NSUN3: variants seen among roughly 807,000 people sequenced by gnomAD.
The protein encoded by NSUN3 is NOP2/Sun RNA methyltransferase 3, also known as tRNA (cytosine(34)-C(5))-methyltransferase, mitochondrial.
In NSUN3, 24 loss-of-function variants were observed where a neutral mutation model predicts 36.8. The ratio of observed to expected loss-of-function variants is 0.65; its 90% CI spans 0.47 to 0.92. NSUN3 has a LOEUF of 0.92. Among genes scored for constraint, NSUN3 ranks in the 40% least tolerant of loss-of-function variants. The pLI is 0.00. For missense variants in NSUN3, 381 were observed against 392.8 expected (o/e 0.97, Z 0.25); for synonymous variants, 146 against 145.2 (o/e 1.01, Z -0.04).
chr3:94,081,221 G>A (rs915304597), intron 2 of NSUN3, among the ~76,000 whole-genome samples: 9 of 152,106 alleles, frequency 5.9e-5, no homozygotes, highest in Non-Finnish European at 1.0e-4. Context: ...GCTTCAGCTC[G>A]CCCTCTGTGG....
At chr3:94,116,988 T>G (rs2077442612) in intron 5 of NSUN3, among the ~76,000 whole-genome samples, 1 of 129,920 alleles carries the variant, frequency 7.7e-6, no homozygotes, top group African/African-American at 3.1e-5. Context: ...GCCACAACTT[T>G]TTTTTTTTTT....
chr3:94,070,749 G>C, intron 2 of NSUN3, among the ~76,000 whole-genome samples: 1 of 152,142 alleles, frequency 6.6e-6, no homozygotes, highest in East Asian at 1.9e-4. Context: ...TGTTCCTCCA[G>C]GTATTCAAAA....
At chr3:94,087,083 G>T (rs894012736) in intron 3 of NSUN3, among the ~76,000 whole-genome samples, 7 of 152,174 alleles carry the variant, frequency 4.6e-5, no homozygotes, top group African/African-American at 1.7e-4. Context: ...AAGTTGAGAA[G>T]AATCTTCCTG....
chr3:94,099,061 T>C (rs986683588), intron 5 of NSUN3, among the ~76,000 whole-genome samples: 1 of 152,138 alleles, frequency 6.6e-6, no homozygotes, highest in Admixed American at 6.5e-5. Context: ...ATTACACGGG[T>C]TGAGTATTTA....
At chr3:94,102,880 ATTT>A (rs990021234) in intron 5 of NSUN3, among the ~76,000 whole-genome samples, 13 of 151,372 alleles carry the variant, frequency 8.6e-5, no homozygotes, top group Non-Finnish European at 1.8e-4. Flanking sequence ...TTTAAAATTT[ATTT>A]ATTTATTTAT....
At chr3:94,074,073 T>C (rs932246305) in intron 2 of NSUN3, among the ~76,000 whole-genome samples, 12 of 152,224 alleles carry the variant, frequency 7.9e-5, no homozygotes, top group African/African-American at 2.7e-4. Flanking sequence ...TCCCCATTTC[T>C]TGTTTTTGTC....
At position 94,130,487 on chromosome 3, in the gene NSUN3, G is replaced by A. The variant is rs1378563406; in HGVS notation, c.*3997G>A. 6.6e-6 allele frequency among the ~76,000 whole-genome samples: 1 copy of A among 152,182 alleles called. No individual in the cohort carries two copies. Among genetic ancestry groups the A allele is most frequent in the African/African-American group, 2.4e-5 (1 of 41,426 alleles). ...CCCAGGACATTTTTGGAAATTGTAT[G>A]CTCTCTAGCAACTTTGCGTGAATTT... On this transcript the variant is annotated 3_prime_UTR_variant, in exon 6 of 6. Coordinates refer to ENST00000314622, the MANE Select transcript of NSUN3 (RefSeq NM_022072.5).
At chr3:94,087,557 G>C (rs1363266312) in intron 3 of NSUN3, among the ~76,000 whole-genome samples, 1 of 152,192 alleles carries the variant, frequency 6.6e-6, no homozygotes, top group Non-Finnish European at 1.5e-5. Flanking sequence ...GATTCTAAAT[G>C]GGAAAACATT....
chr3:94,086,042 C>T lies in NSUN3; in HGVS notation c.466+1592C>T, dbSNP rs554673295. On this transcript the variant is annotated intron_variant, in intron 3 of 5. Transcript: ENST00000314622. ...CACTCCAACCTCTGCCTCCCAGGTT[C>T]GAGTGATTCTCCCGCCTCAGCCTCC... Among the ~76,000 whole-genome samples, 5 of 151,232 alleles carry T rather than the reference C, an allele frequency of 3.3e-5. No homozygotes were observed. The South Asian group carries it at 6.3e-4, about 19-fold the overall frequency.
chr3:94,076,805 T>C (rs1054577125), intron 2 of NSUN3: 36 of 1,579,692 alleles, frequency 2.3e-5, no homozygotes, highest in Middle Eastern at 1.9e-4. Flanking sequence ...TTCTCCTTCA[T>C]GGTTGATCTT....
intron 5 of NSUN3, among the ~76,000 whole-genome samples, chr3:94,109,396 G>A (rs1331149794): frequency 6.6e-6 from 1 of 152,148 alleles, no homozygotes; most frequent in African/African-American, 2.4e-5. Context: ...TTTGGTCAGA[G>A]TAAAATCTCC....
At chr3:94,116,778 T>C (rs2077441653) in intron 5 of NSUN3, among the ~76,000 whole-genome samples, 1 of 152,162 alleles carries the variant, frequency 6.6e-6, no homozygotes, top group African/African-American at 2.4e-5. Flanking sequence ...TTTGTTTGGA[T>C]TTGTTAAAGA....
intron 3 of NSUN3, among the ~76,000 whole-genome samples, chr3:94,088,747 A>G (rs1385489634): frequency 6.8e-6 from 1 of 147,750 alleles, no homozygotes; most frequent in Non-Finnish European, 1.5e-5. Flanking sequence ...ATCTTGGGTC[A>G]CTGCAGTCTC....
chr3:94,085,946 CTT>C (rs1249632543), intron 3 of NSUN3, among the ~76,000 whole-genome samples: 6 of 137,924 alleles, frequency 4.4e-5, no homozygotes, highest in African/African-American at 5.3e-5. Flanking sequence ...GCAGTGTTGC[CTT>C]TTTTTTTTTT....
chr3:94,086,127 A>G (rs562657016), intron 3 of NSUN3, among the ~76,000 whole-genome samples: 1 of 152,166 alleles, frequency 6.6e-6, no homozygotes, highest in South Asian at 2.1e-4. Context: ...TATTTTTAAT[A>G]GAGATGGGGT....
intron 5 of NSUN3, among the ~76,000 whole-genome samples, chr3:94,099,096 A>T (rs1337803532): frequency 1.3e-5 from 2 of 152,214 alleles, no homozygotes. Context: ...AATTAAATTG[A>T]TAGCACAGTT....
At chr3:94,091,161 A>T (rs144281341) in intron 3 of NSUN3, among the ~76,000 whole-genome samples, 4 of 152,320 alleles carry the variant, frequency 2.6e-5, no homozygotes, top group African/African-American at 7.2e-5. Context: ...AAGTTGCAGA[A>T]CACTGAAAAT....
At chr3:94,068,277 A>G (rs1489642464) in intron 2 of NSUN3, among the ~76,000 whole-genome samples, 1 of 152,222 alleles carries the variant, frequency 6.6e-6, no homozygotes, top group African/African-American at 2.4e-5. Flanking sequence ...TTTTGTTACT[A>G]TGATTAACCA....
Position 94,094,143 on chromosome 3 carries a change from A to G in NSUN3, c.470A>G (p.Tyr157Cys), listed in dbSNP as rs777996868. 22 of 1,592,572 alleles carry G rather than the reference A, an allele frequency of 1.4e-5. No homozygotes were observed. The highest frequency in any genetic ancestry group is 1.8e-5 in the Non-Finnish European group (21 of 1,172,200). ...IALLQCACPG[Y>C]LHCNEYDSLR... ...CTTTTTAATCCTTTTTATTTAGGTTATCTTCATTGTAATGAATATGATAGT... is the reference window on the plus strand; with the variant it reads ...CTTTTTAATCCTTTTTATTTAGGTTGTCTTCATTGTAATGAATATGATAGT... Residue 157 changes from tyrosine (Y) to cysteine (C), a missense_variant, in exon 4 of 6, where the codon TAT becomes TGT. Coordinates refer to ENST00000314622, the MANE Select transcript of NSUN3 (RefSeq NM_022072.5).
Sources: gnomAD v4.1 joint callset for allele counts (sites outside exome capture counted in the v4.1 genomes callset) on GRCh38, gnomAD v4.1.1 for gene constraint, MANE v1.5 for transcripts, NCBI Gene and HGNC (gene_info 2026-07-23, HGNC 2026-07-21) for gene names.